Variants in CFAP97D2 observed in about 807,000 individuals in gnomAD.
CFAP97D2 encodes the protein uncharacterized protein CFAP97D2.
chr13:114,197,965 G>A (rs1463229710), intron 2 of CFAP97D2, among the ~76,000 whole-genome samples: 1 of 152,058 alleles, frequency 6.6e-6, no homozygotes, highest in Non-Finnish European at 1.5e-5. Context: ...GATTACAGGT[G>A]TTGTTTATTT....
intron 4 of CFAP97D2, among the ~76,000 whole-genome samples, chr13:114,219,467 C>G (rs1300497271): frequency 6.6e-6 from 1 of 152,174 alleles, no homozygotes; most frequent in Non-Finnish European, 1.5e-5. Flanking sequence ...CTTTCTTTGG[C>G]TCTCTTATTC....
At position 114,189,198 on chromosome 13, in the gene CFAP97D2, T is replaced by C. The variant is rs530796546; in HGVS notation, c.91-7198T>C. The stretch of plus-strand genomic sequence containing the variant: ...GGATATTAAAAGGATAATAAAGGGA[T>C]ACTATGAACAAATTTATGCCCACAA... On this transcript the variant is annotated intron_variant, in intron 1 of 4. Coordinates refer to ENST00000646158, the Ensembl canonical transcript of CFAP97D2. The surrounding 1 kb of genome is among the most constrained non-coding windows in gnomAD (Gnocchi z 4.5). Among the ~76,000 whole-genome samples, 2 of 152,032 alleles carry C rather than the reference T, an allele frequency of 1.3e-5. No individual in the cohort carries two copies. The highest frequency in any genetic ancestry group is 4.2e-4 in the South Asian group (2 of 4,816).
At chr13:114,198,091 G>A (rs1594516680) in intron 2 of CFAP97D2, among the ~76,000 whole-genome samples, 1 of 152,056 alleles carries the variant, frequency 6.6e-6, no homozygotes, top group Non-Finnish European at 1.5e-5. Context: ...GGGTTCAAGC[G>A]ATTCCCCTGC....
chr13:114,184,967 G>A (rs971269686), intron 1 of CFAP97D2, among the ~76,000 whole-genome samples: 23 of 152,180 alleles, frequency 1.5e-4, no homozygotes, highest in African/African-American at 5.3e-4. Flanking sequence ...ATTAATATAA[G>A]TGAAACGAAT....
intron 3 of CFAP97D2, among the ~76,000 whole-genome samples, chr13:114,210,785 A>C (rs1475873366): frequency 6.6e-6 from 1 of 151,700 alleles, no homozygotes; most frequent in Non-Finnish European, 1.5e-5. Flanking sequence ...TTCAGCCTCC[A>C]CCAGGCTGCC....
In CFAP97D2 at chr13:114,222,323, C is replaced by T. The variant is rs899050305; in HGVS notation, c.481-175C>T. 3.3e-5 allele frequency among the ~76,000 whole-genome samples: 5 copies of T among 152,084 alleles called. No individual in the cohort carries two copies. Among genetic ancestry groups the T allele is most frequent in the Non-Finnish European group, 7.4e-5 (5 of 68,022 alleles). ...ATATACCAAAACACACTAAAATATA[C>T]ACTATAAAGGGGTATAGAATTGTAT... On this transcript the variant is annotated intron_variant, in intron 4 of 4. Coordinates refer to ENST00000646158, the Ensembl canonical transcript of CFAP97D2. The surrounding 1 kb of genome is among the most constrained non-coding windows in gnomAD (Gnocchi z 4.4).
chr13:114,219,479 T>C (rs1253272207), intron 4 of CFAP97D2, among the ~76,000 whole-genome samples: 1 of 152,188 alleles, frequency 6.6e-6, no homozygotes, highest in Non-Finnish European at 1.5e-5. Flanking sequence ...CTCTTATTCT[T>C]CCTGCTTTAT....
At chr13:114,218,914 CA>C (rs1294274223) in intron 4 of CFAP97D2, among the ~76,000 whole-genome samples, 2 of 152,092 alleles carry the variant, frequency 1.3e-5, no homozygotes, top group African/African-American at 4.8e-5. Context: ...GACCTAAAAC[CA>C]TAAAAAGCCT....
intron 3 of CFAP97D2, among the ~76,000 whole-genome samples, chr13:114,209,691 C>T (rs1289826856): frequency 6.6e-6 from 1 of 152,096 alleles, no homozygotes. Flanking sequence ...GTCATCCAAG[C>T]AGCCAAAGTC....
intron 4 of CFAP97D2, among the ~76,000 whole-genome samples, chr13:114,221,491 A>C (rs555775463): frequency 1.3e-5 from 2 of 152,364 alleles, no homozygotes; most frequent in Non-Finnish European, 2.9e-5. Flanking sequence ...ATGGCCAATA[A>C]GTGCATGAGA....
Position 114,211,997 on chromosome 13 carries a change from C to T in CFAP97D2, c.376C>T (p.His126Tyr), listed in dbSNP as rs1283852706. The T allele has an allele frequency of 1.0e-5, 4 of 398,758 alleles. No individual in the cohort carries two copies. The highest frequency in any genetic ancestry group is 1.3e-5 in the Non-Finnish European group (3 of 226,174). The allele number at this position is 398,758 out of a possible 1,614,324, so 24.7% of individuals were successfully genotyped here. ...CTGGAAGGAATCACACACTCAGAAC[C>T]ATGGTATGGAGCTCAAAGGTGGTGT... The change falls in exon 4 of 5, where the codon CAT becomes TAT. Residue 126 changes from histidine (H) to tyrosine (Y), a missense_variant. Transcript: ENST00000646158. The surrounding 1 kb of genome is among the most constrained non-coding windows in gnomAD (Gnocchi z 4.2).
intron 1 of CFAP97D2, among the ~76,000 whole-genome samples, chr13:114,182,017 T>C (rs1379424634): frequency 1.3e-5 from 2 of 152,096 alleles, no homozygotes; most frequent in African/African-American, 2.4e-5. Context: ...GAAATAACAG[T>C]GGGCCCAGGG....
At chr13:114,183,924 G>A (rs1442117410) in intron 1 of CFAP97D2, among the ~76,000 whole-genome samples, 1 of 152,224 alleles carries the variant, frequency 6.6e-6, no homozygotes, top group Non-Finnish European at 1.5e-5. Flanking sequence ...AAGGCAGGAG[G>A]ATTGCTTGAG....
intron 4 of CFAP97D2, among the ~76,000 whole-genome samples, chr13:114,218,380 CACAA>C (rs1382718889): frequency 6.6e-6 from 1 of 152,154 alleles, no homozygotes; most frequent in Non-Finnish European, 1.5e-5. Context: ...TAAAAGAAGA[CACAA>C]ACAAATGGAA....
At position 114,186,867 on chromosome 13, in the gene CFAP97D2, C is replaced by T. The variant is rs1399954651; in HGVS notation, c.90+7447C>T. On this transcript the variant is annotated intron_variant, in intron 1 of 4. Coordinates refer to ENST00000646158, the Ensembl canonical transcript of CFAP97D2. The surrounding 1 kb of genome is among the most constrained non-coding windows in gnomAD (Gnocchi z 4.3). Reference sequence around the variant, plus strand: ...CCTCGCCACTCCACTCCAGTCTCTTCAGAGGGATGGGATCCAGGCCAGTAG... The same window carrying T: ...CCTCGCCACTCCACTCCAGTCTCTTTAGAGGGATGGGATCCAGGCCAGTAG... Among the ~76,000 whole-genome samples, 1 of 152,222 alleles carries T rather than the reference C, an allele frequency of 6.6e-6. No homozygotes were observed. The highest frequency in any genetic ancestry group is 2.4e-5 in the African/African-American group (1 of 41,470).
At position 114,207,514 on chromosome 13, in the gene CFAP97D2, G is replaced by A. The variant is rs985684853; in HGVS notation, c.291-4398G>A. ...AACACGCAGCTTAGATCTCTCGAAC[G>A]TGCAGTTCACAATAGGGTTCACACT... On this transcript the variant is annotated intron_variant, in intron 3 of 4. Transcript: ENST00000646158. The surrounding 1 kb of genome is among the most constrained non-coding windows in gnomAD (Gnocchi z 4.9). Among the ~76,000 whole-genome samples, 2 of 152,056 alleles carry A rather than the reference G, an allele frequency of 1.3e-5. No individual in the cohort carries two copies. The highest frequency in any genetic ancestry group is 2.4e-5 in the African/African-American group (1 of 41,376).
At chr13:114,198,396 A>G (rs1245845108) in intron 2 of CFAP97D2, among the ~76,000 whole-genome samples, 3 of 152,256 alleles carry the variant, frequency 2.0e-5, no homozygotes. Flanking sequence ...TTGGAAGCCT[A>G]AAACAAGAGG....
rs2138754633 is a variant in CFAP97D2 at position 114,189,539 on chromosome 13, C to A, written c.91-6857C>A. On this transcript the variant is annotated intron_variant, in intron 1 of 4. Coordinates refer to ENST00000646158, the Ensembl canonical transcript of CFAP97D2. The surrounding 1 kb of genome is among the most constrained non-coding windows in gnomAD (Gnocchi z 4.5). ...AAGACATTACAAGAAAACAGTAAATCAATATCTCTCATGAACATTGATGCA... is the reference window on the plus strand; with the variant it reads ...AAGACATTACAAGAAAACAGTAAATAAATATCTCTCATGAACATTGATGCA... Among the ~76,000 whole-genome samples the A allele has an allele frequency of 6.6e-6, 1 of 152,264 alleles. No homozygotes were observed. The highest frequency in any genetic ancestry group is 1.5e-5 in the Non-Finnish European group (1 of 68,018).
At chr13:114,196,076 C>CAAAAAAAAAAA (rs57315285) in intron 1 of CFAP97D2, among the ~76,000 whole-genome samples, 7 of 100,972 alleles carry the variant, frequency 6.9e-5, no homozygotes, top group African/African-American at 2.1e-4. Context: ...GAGCGAGACT[C>CAAAAAAAAAAA]AAAAAAAAAA....
Sources: gnomAD v4.1 joint callset for allele counts (sites outside exome capture counted in the v4.1 genomes callset) on GRCh38, gnomAD v4.1.1 for gene constraint, Gnocchi (gnomAD v3.1) non-coding constraint, MANE v1.5 for transcripts, NCBI Gene and HGNC (gene_info 2026-07-23, HGNC 2026-07-21) for gene names.